Variants in CSMD3 observed in about 807,000 individuals in gnomAD.
CSMD3 encodes the protein CUB and Sushi multiple domains 3, also known as CUB and sushi domain-containing protein 3.
CSMD3 carries 177 observed loss-of-function variants against 435.2 expected under a neutral mutation model. That is an observed-to-expected ratio of 0.41 (90% CI 0.36 to 0.46). CSMD3 has a LOEUF of 0.46. CSMD3 is among the 20% of genes least tolerant of loss of function. The pLI is 0.34. For missense variants in CSMD3, 4,265 were observed against 4,504.6 expected (o/e 0.95, Z 1.52); for synonymous variants, 1,656 against 1,520.5 (o/e 1.09, Z -2.07).
intron 38 of CSMD3, among the ~76,000 whole-genome samples, chr8:112,360,103 C>T (rs987538063): frequency 2.0e-5 from 3 of 151,952 alleles, no homozygotes; most frequent in Admixed American, 6.6e-5. Context: ...TATGCTTTGT[C>T]TATACAATTT....
intron 6 of CSMD3, among the ~76,000 whole-genome samples, chr8:113,003,262 AATAG>A (rs1043388121): frequency 9.9e-5 from 15 of 151,776 alleles, no homozygotes; most frequent in African/African-American, 2.2e-4. Context: ...TAAATAAATA[AATAG>A]ATAAATAAAT....
intron 64 of CSMD3, among the ~76,000 whole-genome samples, chr8:112,244,806 T>G (rs1434486740): frequency 6.6e-6 from 1 of 151,938 alleles, no homozygotes; most frequent in Non-Finnish European, 1.5e-5. Context: ...TAATAGATGT[T>G]AAATAAATTG....
chr8:113,270,069 C>G (rs1466934071), intron 3 of CSMD3, among the ~76,000 whole-genome samples: 2 of 151,742 alleles, frequency 1.3e-5, no homozygotes, highest in African/African-American at 4.8e-5. Flanking sequence ...ACTCATCTGA[C>G]AAAGGGCTAA....
At chr8:113,149,388 T>C (rs997922814) in intron 4 of CSMD3, among the ~76,000 whole-genome samples, 3 of 151,856 alleles carry the variant, frequency 2.0e-5, no homozygotes, top group Non-Finnish European at 2.9e-5. Context: ...AGATATACTA[T>C]GCAATCACTT....
intron 59 of CSMD3, among the ~76,000 whole-genome samples, chr8:112,277,883 C>T (rs1174839549): frequency 6.6e-6 from 1 of 151,972 alleles, no homozygotes; most frequent in East Asian, 1.9e-4. Flanking sequence ...GGGAAACTGC[C>T]CCATGATTAA....
intron 1 of CSMD3, among the ~76,000 whole-genome samples, chr8:113,328,951 A>C (rs2094006108): frequency 6.6e-6 from 1 of 151,036 alleles, no homozygotes; most frequent in Non-Finnish European, 1.5e-5. Flanking sequence ...CATGTTGCCC[A>C]GGCTAGGCTC....
At chr8:112,354,149 C>T (rs4452816) in intron 38 of CSMD3, among the ~76,000 whole-genome samples, 5,737 of 152,168 alleles carry the variant, frequency 0.038, 355 homozygotes, top group African/African-American at 0.13. Flanking sequence ...TCCAACATCA[C>T]TTAATGATAA....
intron 16 of CSMD3, among the ~76,000 whole-genome samples, chr8:112,676,574 C>A (rs1437303102): frequency 6.6e-6 from 1 of 151,958 alleles, no homozygotes; most frequent in East Asian, 1.9e-4. Flanking sequence ...ATAATGAATA[C>A]ATTAATGCAT....
intron 27 of CSMD3, among the ~76,000 whole-genome samples, chr8:112,545,162 C>T (rs1265015307): frequency 6.6e-6 from 1 of 152,002 alleles, no homozygotes; most frequent in East Asian, 1.9e-4. Context: ...ATCTGTTATA[C>T]AAAATATCTG....
chr8:112,549,449 G>A (rs1827481174), intron 27 of CSMD3, among the ~76,000 whole-genome samples: 1 of 151,852 alleles, frequency 6.6e-6, no homozygotes, highest in Non-Finnish European at 1.5e-5. Flanking sequence ...ATGAACTTGG[G>A]TCATATAGTA....
intron 38 of CSMD3, among the ~76,000 whole-genome samples, chr8:112,354,474 TA>T (rs1403273294): frequency 6.6e-6 from 1 of 152,216 alleles, no homozygotes; most frequent in African/African-American, 2.4e-5. Context: ...AAAAGGCTCA[TA>T]GAACTGATAA....
chr8:112,278,084 G>C (rs1260964385), intron 59 of CSMD3, among the ~76,000 whole-genome samples: 1 of 152,138 alleles, frequency 6.6e-6, no homozygotes, highest in Non-Finnish European at 1.5e-5. Context: ...CTTCAGCCTT[G>C]TGGCATAATC....
chr8:112,274,040 G>T (rs1262180959), intron 59 of CSMD3, among the ~76,000 whole-genome samples: 2 of 151,850 alleles, frequency 1.3e-5, no homozygotes, highest in Non-Finnish European at 2.9e-5. Flanking sequence ...CACATGAACT[G>T]ATACTTAAAA....
At chr8:112,594,422 G>A (rs1831491561) in intron 22 of CSMD3, among the ~76,000 whole-genome samples, 1 of 152,120 alleles carries the variant, frequency 6.6e-6, no homozygotes, top group Admixed American at 6.5e-5. Flanking sequence ...AAACTGCAAG[G>A]CGGCAGCCAG....
intron 19 of CSMD3, among the ~76,000 whole-genome samples, chr8:112,645,520 A>C (rs1563806389): frequency 6.6e-6 from 1 of 151,804 alleles, no homozygotes; most frequent in Non-Finnish European, 1.5e-5. Flanking sequence ...ATTAAACATG[A>C]GTAATTAATT....
chr8:112,609,023 C>T (rs1489051163), intron 22 of CSMD3, among the ~76,000 whole-genome samples: 1 of 151,002 alleles, frequency 6.6e-6, no homozygotes, highest in Non-Finnish European at 1.5e-5. Flanking sequence ...AAAGTTTCTG[C>T]CCAGCAAGGG....
At chr8:112,722,119 T>A (rs1179457625) in intron 13 of CSMD3, among the ~76,000 whole-genome samples, 1 of 150,256 alleles carries the variant, frequency 6.7e-6, no homozygotes, top group Non-Finnish European at 1.5e-5. Context: ...CAATAATACA[T>A]CATCAGTACA....
At chr8:112,411,508 CTG>C (rs1298444525) in intron 32 of CSMD3, among the ~76,000 whole-genome samples, 2 of 151,856 alleles carry the variant, frequency 1.3e-5, no homozygotes, top group Non-Finnish European at 2.9e-5. Flanking sequence ...AAAAGTTACT[CTG>C]AGAGGATATG....
rs527621001 is a variant in CSMD3, at chr8:112,277,989, C to T, written c.9508+3185G>A. On this transcript the variant is annotated intron_variant, in intron 59 of 70. Coordinates refer to ENST00000297405, the MANE Select transcript of CSMD3 (RefSeq NM_198123.2). ...GTGGGGACACAGCCAACCCATATCA[C>T]TATTCATCCATCCCTTCTCTCAAAC... Among the ~76,000 whole-genome samples, 26 of 152,288 alleles carry T rather than the reference C, an allele frequency of 1.7e-4. 1 individual carries two copies. The highest frequency in any genetic ancestry group is 6.8e-3 in the Middle Eastern group (2 of 294).
Sources: gnomAD v4.1 joint callset for allele counts (sites outside exome capture counted in the v4.1 genomes callset) on GRCh38, gnomAD v4.1.1 for gene constraint, MANE v1.5 for transcripts, NCBI Gene and HGNC (gene_info 2026-07-23, HGNC 2026-07-21) for gene names.